POPDC1: variants seen among roughly 807,000 people sequenced by gnomAD.
The protein encoded by POPDC1 is popeye domain cAMP effector 1.
At chr6:105,115,248 G>A in the POPDC1 span, among the ~76,000 whole-genome samples, 56 of 152,176 alleles carry the variant, frequency 3.7e-4, no homozygotes, top group African/African-American at 1.2e-3. Flanking sequence ...CACCAAGCCC[G>A]GCTAATTTTT....
At chr6:105,133,808 T>A in the POPDC1 span, among the ~76,000 whole-genome samples, 2 of 152,122 alleles carry the variant, frequency 1.3e-5, no homozygotes, top group African/African-American at 4.8e-5. Flanking sequence ...TGCCTTATGA[T>A]CAAATGAAAT....
the POPDC1 span, among the ~76,000 whole-genome samples, chr6:105,122,600 T>C: frequency 6.6e-6 from 1 of 152,214 alleles, no homozygotes; most frequent in Non-Finnish European, 1.5e-5. Context: ...TTCAGGATTA[T>C]ATGAGATAGT....
chr6:105,124,648 C>G, the POPDC1 span: 4 of 1,590,654 alleles, frequency 2.5e-6, no homozygotes, highest in Admixed American at 6.7e-5. Context: ...CGATAGGAGA[C>G]CTTCATTCTG....
the POPDC1 span, among the ~76,000 whole-genome samples, chr6:105,124,081 C>T: frequency 6.6e-5 from 10 of 152,102 alleles, no homozygotes; most frequent in South Asian, 6.2e-4. Context: ...ATTTTCTGTA[C>T]ATATATACAG....
chr6:105,127,192 G>T, the POPDC1 span, among the ~76,000 whole-genome samples: 1 of 152,098 alleles, frequency 6.6e-6, no homozygotes, highest in African/African-American at 2.4e-5. Context: ...TCATTTTGAG[G>T]AAAATCCAGC....
At chr6:105,102,773 A>G in the POPDC1 span, among the ~76,000 whole-genome samples, 1 of 152,338 alleles carries the variant, frequency 6.6e-6, no homozygotes, top group Non-Finnish European at 1.5e-5. Context: ...TTAACTGTAC[A>G]GTCACTGCCG....
chr6:105,123,994 A>T, the POPDC1 span, among the ~76,000 whole-genome samples: 6 of 152,226 alleles, frequency 3.9e-5, no homozygotes, highest in African/African-American at 1.4e-4. Flanking sequence ...AAATTCAAAT[A>T]AGCAAAAAAA....
At chr6:105,107,018 G>A in the POPDC1 span, among the ~76,000 whole-genome samples, 1 of 151,950 alleles carries the variant, frequency 6.6e-6, no homozygotes, top group Non-Finnish European at 1.5e-5. Context: ...TCATCCTGTT[G>A]TGCTAGCAAA....
At chr6:105,101,155 T>C in the POPDC1 span, 2 of 1,613,818 alleles carry the variant, frequency 1.2e-6, no homozygotes, top group Non-Finnish European at 1.7e-6. Flanking sequence ...CATCATCTTC[T>C]GCTCCTTCTT....
At chr6:105,136,733 G>C in the POPDC1 span, 4 of 152,294 alleles carry the variant, frequency 2.6e-5, no homozygotes, top group Non-Finnish European at 2.9e-5. Flanking sequence ...CCGGGGAGAA[G>C]GGCGGCCTCC....
the POPDC1 span, among the ~76,000 whole-genome samples, chr6:105,128,705 A>G: frequency 6.6e-6 from 1 of 152,194 alleles, no homozygotes; most frequent in African/African-American, 2.4e-5. Flanking sequence ...ATAGTTTTCT[A>G]CATGCAAATC....
the POPDC1 span, among the ~76,000 whole-genome samples, chr6:105,127,046 C>T: frequency 1.3e-5 from 2 of 152,196 alleles, no homozygotes; most frequent in African/African-American, 4.8e-5. Context: ...GGAAGTCATA[C>T]TAATTGGGTG....
chr6:105,133,552 A>G, the POPDC1 span: 2 of 1,613,112 alleles, frequency 1.2e-6, no homozygotes, highest in East Asian at 2.2e-5. Context: ...TGATTCTCTC[A>G]ATGGGCTGGA....
the POPDC1 span, chr6:105,116,998 AAGG>A: frequency 2.1e-5 from 19 of 911,038 alleles, no homozygotes; most frequent in African/African-American, 3.0e-4. Flanking sequence ...TTATAAAAAA[AAGG>A]AGACTCAATG....
the POPDC1 span, chr6:105,133,394 G>C: frequency 6.4e-5 from 103 of 1,613,670 alleles, no homozygotes; most frequent in Non-Finnish European, 8.4e-5. Context: ...TGAAGGTGAA[G>C]AGTAGTTGGA....
At chr6:105,120,979 C>T in the POPDC1 span, among the ~76,000 whole-genome samples, 3 of 152,154 alleles carry the variant, frequency 2.0e-5, no homozygotes, top group African/African-American at 7.2e-5. Flanking sequence ...TTTCACAGCT[C>T]CACCAAAATA....
At chr6:105,119,582 C>T in the POPDC1 span, among the ~76,000 whole-genome samples, 1 of 152,156 alleles carries the variant, frequency 6.6e-6, no homozygotes, top group Admixed American at 6.5e-5. Flanking sequence ...GCATGGTGTC[C>T]TCATGAGGGC....
the POPDC1 span, chr6:105,115,956 G>GTATTCTTT: frequency 2.6e-6 from 2 of 773,804 alleles, no homozygotes; most frequent in Non-Finnish European, 3.8e-6. Context: ...TACATATTAG[G>GTATTCTTT]TGGCCAATAA....
chr6:105,117,356 C>T, the POPDC1 span, among the ~76,000 whole-genome samples: 23 of 127,356 alleles, frequency 1.8e-4, no homozygotes, highest in Non-Finnish European at 3.1e-4. Context: ...CAAGGGCCCT[C>T]GGCTGTTGCT....
Sources: gnomAD v4.1 joint callset for allele counts (sites outside exome capture counted in the v4.1 genomes callset) on GRCh38, gnomAD v4.1.1 for gene constraint, MANE v1.5 for transcripts, NCBI Gene and HGNC (gene_info 2026-07-23, HGNC 2026-07-21) for gene names.